ROBO2: variants seen among roughly 807,000 people sequenced by gnomAD.
ROBO2 encodes the protein roundabout guidance receptor 2.
A neutral mutation model predicts 160.8 loss-of-function variants in ROBO2; 53 were observed. The ratio of observed to expected loss-of-function variants is 0.33; its 90% CI spans 0.26 to 0.41. The LOEUF is 0.41. Among genes scored for constraint, ROBO2 ranks in the 10% least tolerant of loss-of-function variants. ROBO2 has a pLI of 1.00. For synonymous variants in ROBO2, 664 were observed against 611.7 expected (o/e 1.09, Z -1.26); for missense variants, 1,577 against 1,722.4 (o/e 0.92, Z 1.49).
chr3:77,509,630 T>A (rs1176892306), intron 5 of ROBO2, among the ~76,000 whole-genome samples: 1 of 151,970 alleles, frequency 6.6e-6, no homozygotes, highest in East Asian at 1.9e-4. Context: ...GAAAATAAAG[T>A]GATTCTTCTG....
intron 2 of ROBO2, among the ~76,000 whole-genome samples, chr3:76,818,648 A>G (rs80279209): frequency 1.3e-5 from 2 of 151,854 alleles, no homozygotes; most frequent in South Asian, 4.1e-4. Context: ...TTAAATTCTG[A>G]GAATCTAGTT....
chr3:76,924,980 G>A (rs939550950), intron 2 of ROBO2, among the ~76,000 whole-genome samples: 3 of 151,886 alleles, frequency 2.0e-5, no homozygotes, highest in Admixed American at 6.6e-5. Context: ...AGGCCGAGGC[G>A]GGCGGATCAC....
chr3:77,249,929 A>G (rs1243008647), intron 2 of ROBO2, among the ~76,000 whole-genome samples: 1 of 151,836 alleles, frequency 6.6e-6, no homozygotes, highest in Non-Finnish European at 1.5e-5. Context: ...CCATATGTAT[A>G]AAAGTTTTAC....
Position 76,570,045 on chromosome 3 carries a change from G to A in ROBO2, c.110-527969G>A, listed in dbSNP as rs141065189. Among the ~76,000 whole-genome samples, 301 of 152,258 alleles carry A rather than the reference G, an allele frequency of 2.0e-3. 1 individual carries two copies. Among genetic ancestry groups the A allele is most frequent in the African/African-American group, 6.5e-3 (272 of 41,556 alleles). ...AGCTACTTAGGAGGCTGAGGTGGGA[G>A]GATTGCTTGAGCCCAGGAGATCGAG... On this transcript the variant is annotated intron_variant, in intron 2 of 26. Transcript: ENST00000487694.
chr3:77,168,408 C>T (rs538704721), intron 2 of ROBO2, among the ~76,000 whole-genome samples: 1 of 152,258 alleles, frequency 6.6e-6, no homozygotes, highest in South Asian at 2.1e-4. Context: ...TTTGCCTACT[C>T]ATATTTGTCA....
chr3:76,767,597 A>G (rs890743071), intron 2 of ROBO2, among the ~76,000 whole-genome samples: 5 of 151,592 alleles, frequency 3.3e-5, no homozygotes, highest in Non-Finnish European at 5.9e-5. Flanking sequence ...ACTTTGGACC[A>G]TTTTAGTGCA....
At chr3:76,437,701 T>C (rs943860383) in intron 2 of ROBO2, among the ~76,000 whole-genome samples, 1 of 152,188 alleles carries the variant, frequency 6.6e-6, no homozygotes, top group Non-Finnish European at 1.5e-5. Flanking sequence ...TTTTTCACTT[T>C]TGTTTATGCT....
chr3:77,171,793 C>G (rs1000413612), intron 2 of ROBO2, among the ~76,000 whole-genome samples: 1 of 152,186 alleles, frequency 6.6e-6, no homozygotes, highest in Admixed American at 6.5e-5. Flanking sequence ...CTCATGCTGT[C>G]TATTTCCTTC....
At chr3:76,791,534 T>C (rs187069768) in intron 2 of ROBO2, among the ~76,000 whole-genome samples, 3 of 151,148 alleles carry the variant, frequency 2.0e-5, no homozygotes, top group Non-Finnish European at 4.4e-5. Flanking sequence ...TCTCTCTCTC[T>C]CACACACACA....
chr3:76,394,910 A>G (rs542698777), intron 2 of ROBO2, among the ~76,000 whole-genome samples: 29 of 150,266 alleles, frequency 1.9e-4, no homozygotes, highest in Admixed American at 1.5e-3. Flanking sequence ...AACATTAGAC[A>G]GATCAACGAG....
At chr3:77,029,645 A>C (rs924454970) in intron 2 of ROBO2, among the ~76,000 whole-genome samples, 7 of 152,196 alleles carry the variant, frequency 4.6e-5, no homozygotes, top group Non-Finnish European at 8.8e-5. Flanking sequence ...TAGAGACTAT[A>C]GTTATTTAAT....
At chr3:76,707,457 A>G (rs2093189304) in intron 2 of ROBO2, among the ~76,000 whole-genome samples, 1 of 152,028 alleles carries the variant, frequency 6.6e-6, no homozygotes, top group South Asian at 2.1e-4. Flanking sequence ...TTGTTTCTGA[A>G]TAGTTACTAC....
intron 24 of ROBO2, among the ~76,000 whole-genome samples, chr3:77,643,650 G>C (rs993544610): frequency 6.6e-6 from 1 of 152,142 alleles, no homozygotes; most frequent in Non-Finnish European, 1.5e-5. Context: ...GATTCATTGA[G>C]TACTGAAACA....
chr3:76,969,037 C>T (rs1430213023), intron 2 of ROBO2, among the ~76,000 whole-genome samples: 1 of 152,066 alleles, frequency 6.6e-6, no homozygotes, highest in Non-Finnish European at 1.5e-5. Context: ...TACTACTGCA[C>T]TTGGAAACAT....
intron 1 of ROBO2, among the ~76,000 whole-genome samples, chr3:77,071,924 A>G (rs2067459231): frequency 6.6e-6 from 1 of 152,130 alleles, no homozygotes; most frequent in African/African-American, 2.4e-5. Context: ...TCTCTAGAAC[A>G]GGAGTCTCCA....
chr3:77,381,173 G>A (rs1322850017), intron 2 of ROBO2, among the ~76,000 whole-genome samples: 1 of 152,124 alleles, frequency 6.6e-6, no homozygotes, highest in African/African-American at 2.4e-5. Flanking sequence ...AAATTAGCTG[G>A]ACGTGGTGGC....
chr3:77,358,309 T>C (rs1317734950), intron 2 of ROBO2, among the ~76,000 whole-genome samples: 1 of 152,188 alleles, frequency 6.6e-6, no homozygotes, highest in East Asian at 1.9e-4. Flanking sequence ...CCTTCCTCTG[T>C]TCTCTCATTC....
At chr3:77,617,352 G>T (rs1339081255) in intron 21 of ROBO2, among the ~76,000 whole-genome samples, 161 bp from the exon 23 acceptor site, 1 of 152,168 alleles carries the variant, frequency 6.6e-6, no homozygotes, top group Non-Finnish European at 1.5e-5. Context: ...TAAGATAACA[G>T]CCAGGTGATT....
At chr3:76,325,080 G>C (rs962374040) in intron 2 of ROBO2, among the ~76,000 whole-genome samples, 61 of 152,368 alleles carry the variant, frequency 4.0e-4, no homozygotes, top group Non-Finnish European at 7.1e-4. Context: ...ACTCCAGCCT[G>C]CGTGACAGAG....
Sources: gnomAD v4.1 joint callset for allele counts (sites outside exome capture counted in the v4.1 genomes callset) on GRCh38, gnomAD v4.1.1 for gene constraint, MANE v1.5 for transcripts, NCBI Gene and HGNC (gene_info 2026-07-23, HGNC 2026-07-21) for gene names.